The following CHIC2 variants were observed in gnomAD, a reference collection of about 807,000 sequenced individuals.
CHIC2 encodes the protein cysteine-rich hydrophobic domain-containing protein 2.
Under a neutral mutation model 25.9 loss-of-function variants are expected in CHIC2, and 14 were observed. That is an observed-to-expected ratio of 0.54 (90% CI 0.36 to 0.85). CHIC2 has a LOEUF of 0.85. Among genes scored for constraint, CHIC2 ranks in the 40% least tolerant of loss-of-function variants. The pLI is 0.01. For synonymous variants in CHIC2, 70 were observed against 72.0 expected, an observed-to-expected ratio of 0.97 and a Z score of 0.14; for missense variants, 146 against 202.0, an observed-to-expected ratio of 0.72 and a Z score of 1.68.
intron 3 of CHIC2, among the ~76,000 whole-genome samples, chr4:54,030,132 G>C (rs1408687897): frequency 6.6e-6 from 1 of 151,760 alleles, no homozygotes; most frequent in Admixed American, 6.6e-5. Flanking sequence ...GAGAAATACA[G>C]GCATCTTAGC....
intron 1 of CHIC2, among the ~76,000 whole-genome samples, chr4:54,062,605 G>C (rs776764641): frequency 6.6e-6 from 1 of 152,130 alleles, no homozygotes; most frequent in East Asian, 1.9e-4. Context: ...GCCCAACAAA[G>C]TGCTTAGCTT....
At chr4:54,032,368 T>A (rs962069945) in intron 3 of CHIC2, among the ~76,000 whole-genome samples, 1 of 145,316 alleles carries the variant, frequency 6.9e-6, no homozygotes, top group Non-Finnish European at 1.5e-5. Flanking sequence ...CCTCCCTGCC[T>A]GATTCTCCTG....
the CHIC2 span, among the ~76,000 whole-genome samples, chr4:54,083,018 C>CTTTTTTTTTTT: frequency 7.1e-4 from 48 of 67,910 alleles, 2 homozygotes; most frequent in African/African-American, 1.7e-3. Flanking sequence ...TTCTTTCTTT[C>CTTTTTTTTTTT]TTTTTTTTTT....
Position 54,009,988 on chromosome 4 carries a change from C to T in CHIC2, c.*107G>A, listed in dbSNP as rs1426849424. 2 of 617,420 alleles carry T rather than the reference C, an allele frequency of 3.2e-6. No individual in the cohort carries two copies. The highest frequency in any genetic ancestry group is 5.4e-6 in the Non-Finnish European group (2 of 367,558). 38.2% of individuals were successfully genotyped at this position (617,420 alleles called of 1,614,324 possible). On this transcript the variant is annotated 3_prime_UTR_variant, in exon 6 of 6. Transcript: ENST00000263921. ...AACAAAAACAAAAACAAAAAAAACA[C>T]CACACGATTCTGTAGAACCAATGTT...
chr4:54,042,561 G>A (rs888514201), intron 3 of CHIC2, among the ~76,000 whole-genome samples: 1 of 152,136 alleles, frequency 6.6e-6, no homozygotes, highest in Non-Finnish European at 1.5e-5. Flanking sequence ...GGTATCTACA[G>A]TATTAAAACT....
At chr4:54,047,637 C>CG (rs1472512101) in intron 3 of CHIC2, among the ~76,000 whole-genome samples, 2 of 115,836 alleles carry the variant, frequency 1.7e-5, no homozygotes, top group Non-Finnish European at 3.3e-5. Flanking sequence ...CACCACACAC[C>CG]GGGGACTGTT....
At position 54,045,261 on chromosome 4, in the gene CHIC2, T is replaced by A. The variant is rs570246261; in HGVS notation, c.330+3694A>T. On this transcript the variant is annotated intron_variant, in intron 3 of 5. Coordinates refer to ENST00000263921, the MANE Select transcript of CHIC2 (RefSeq NM_012110.4). ...ACCATTCCTTCTGAAATTATTCCAA[T>A]CAATAGAAAAACAAGGAATCCTCCC... Among the ~76,000 whole-genome samples the A allele has an allele frequency of 6.3e-4, 96 of 152,194 alleles. 2 individuals are homozygous for A. The South Asian group carries it at 0.02, about 31-fold the overall frequency.
chr4:54,014,056 T>C lies in CHIC2; in HGVS notation c.387+7A>G. 1 of 1,613,150 alleles carries C rather than the reference T, an allele frequency of 6.2e-7. No individual in the cohort carries two copies. Among genetic ancestry groups the C allele is most frequent in the Non-Finnish European group, 8.5e-7 (1 of 1,179,354 alleles). On this transcript the variant is annotated splice_region_variant and intron_variant, in intron 4 of 5. Coordinates refer to ENST00000263921, the MANE Select transcript of CHIC2 (RefSeq NM_012110.4). ...AACAGTACGAAGCTGCTCCCTGTGG[T>C]ACTCACCTTGTGGTATAACCTATTG...
intron 3 of CHIC2, among the ~76,000 whole-genome samples, chr4:54,022,186 C>A (rs1248062596): frequency 1.3e-5 from 2 of 152,170 alleles, no homozygotes; most frequent in Admixed American, 6.5e-5. Flanking sequence ...GACTGTCCAA[C>A]TCGCCCGGCA....
In CHIC2 at chr4:54,029,141, C is replaced by A. The variant is rs1056401908; in HGVS notation, c.331-15022G>T. Reference sequence around the variant, plus strand: ...CATCTCAAAGAAAAAAAAAAAAAAACAAAAGTCAAATATCAAATATGATGT... The same window carrying A: ...CATCTCAAAGAAAAAAAAAAAAAAAAAAAAGTCAAATATCAAATATGATGT... On this transcript the variant is annotated intron_variant, in intron 3 of 5. Transcript: ENST00000263921. 3.9e-3 allele frequency among the ~76,000 whole-genome samples: 576 copies of A among 146,132 alleles called. 1 individual carries two copies. The highest frequency in any genetic ancestry group is 6.6e-3 in the Non-Finnish European group (438 of 65,928).
chr4:54,029,077 C>T (rs995592193), intron 3 of CHIC2, among the ~76,000 whole-genome samples: 1 of 150,904 alleles, frequency 6.6e-6, no homozygotes, highest in Admixed American at 6.6e-5. Flanking sequence ...GAGCCAACAT[C>T]GCGCCACCGC....
chr4:54,073,243 C>T, the CHIC2 span, among the ~76,000 whole-genome samples: 1 of 152,244 alleles, frequency 6.6e-6, no homozygotes, highest in East Asian at 1.9e-4. Flanking sequence ...ACATTTGGGG[C>T]TCTGACTAGA....
At chr4:54,078,764 C>T in the CHIC2 span, among the ~76,000 whole-genome samples, 37 of 152,152 alleles carry the variant, frequency 2.4e-4, no homozygotes, top group East Asian at 6.4e-3. Flanking sequence ...ATCTGCCCAC[C>T]TTGGCCTCCC....
the CHIC2 span, among the ~76,000 whole-genome samples, chr4:54,073,384 G>A: frequency 6.6e-6 from 1 of 152,198 alleles, no homozygotes; most frequent in Non-Finnish European, 1.5e-5. Flanking sequence ...AATAGGATTT[G>A]TGAAAGTGAC....
chr4:54,086,813 T>C, the CHIC2 span: 2 of 384,284 alleles, frequency 5.2e-6, no homozygotes, highest in East Asian at 5.9e-5. Flanking sequence ...TTGGATTGTA[T>C]CTCCCACTGT....
intron 3 of CHIC2, among the ~76,000 whole-genome samples, chr4:54,025,657 G>A (rs570785915): frequency 3.6e-4 from 54 of 151,700 alleles, no homozygotes; most frequent in African/African-American, 1.2e-3. Flanking sequence ...CTAGAAGTTC[G>A]AGACCAGCCT....
the CHIC2 span, among the ~76,000 whole-genome samples, chr4:54,074,626 A>G: frequency 2.0e-5 from 3 of 148,866 alleles, no homozygotes; most frequent in South Asian, 6.4e-4. Flanking sequence ...ACACACACAC[A>G]CACACTGGCC....
At chr4:54,080,792 C>T in the CHIC2 span, among the ~76,000 whole-genome samples, 1 of 150,152 alleles carries the variant, frequency 6.7e-6, no homozygotes, top group South Asian at 2.1e-4. Context: ...CTCTAATGTA[C>T]AGCATGGTGA....
chr4:54,041,239 T>C (rs1021694207), intron 3 of CHIC2, among the ~76,000 whole-genome samples: 23 of 151,984 alleles, frequency 1.5e-4, no homozygotes, highest in African/African-American at 5.6e-4. Context: ...GAGCTGCATA[T>C]CAAGTATGCC....
Sources: gnomAD v4.1 joint callset for allele counts (sites outside exome capture counted in the v4.1 genomes callset) on GRCh38, gnomAD v4.1.1 for gene constraint, MANE v1.5 for transcripts, NCBI Gene and HGNC (gene_info 2026-07-23, HGNC 2026-07-21) for gene names.